Variants in LRP1B observed in about 807,000 individuals in gnomAD.
The protein encoded by LRP1B is low-density lipoprotein receptor-related protein 1B.
A neutral mutation model predicts 556.6 loss-of-function variants in LRP1B; 217 were observed. That is an observed-to-expected ratio of 0.39 (90% CI 0.35 to 0.44). The LOEUF is 0.44. Ranked by LOEUF, LRP1B falls within the 20% of genes least tolerant of loss-of-function variation. LRP1B has a pLI of 1.00. For synonymous variants in LRP1B, 2,047 were observed against 1,865.8 expected, an observed-to-expected ratio of 1.10 and a Z score of -2.50; for missense variants, 5,053 against 5,620.8, an observed-to-expected ratio of 0.90 and a Z score of 3.23.
intron 15 of LRP1B, among the ~76,000 whole-genome samples, chr2:141,000,244 C>T (rs1235986521): frequency 1.3e-5 from 2 of 152,100 alleles, no homozygotes; most frequent in East Asian, 3.9e-4. Flanking sequence ...TAATAGAGTA[C>T]AGTACCCAAG....
chr2:141,128,501 T>C (rs993909732), intron 7 of LRP1B, among the ~76,000 whole-genome samples: 1 of 152,250 alleles, frequency 6.6e-6, no homozygotes, highest in Non-Finnish European at 1.5e-5. Context: ...ACTCTAGTCA[T>C]GCTGTTCTCC....
chr2:141,298,271 C>G (rs750527281), intron 3 of LRP1B, among the ~76,000 whole-genome samples: 2 of 152,064 alleles, frequency 1.3e-5, no homozygotes, highest in South Asian at 4.1e-4. Flanking sequence ...TTGCCCTTGC[C>G]CATGGCTTTT....
intron 2 of LRP1B, among the ~76,000 whole-genome samples, chr2:141,638,011 G>A (rs981938596): frequency 1.3e-5 from 2 of 152,012 alleles, no homozygotes; most frequent in Non-Finnish European, 2.9e-5. Context: ...GACCAGCCTG[G>A]GCATCATGGC....
intron 2 of LRP1B, among the ~76,000 whole-genome samples, chr2:141,599,640 T>C (rs1304611188): frequency 6.6e-6 from 1 of 152,126 alleles, no homozygotes; most frequent in Non-Finnish European, 1.5e-5. Flanking sequence ...CAGAGAAAAA[T>C]GTAACAATGA....
At chr2:140,726,806 T>C (rs1296179527) in intron 35 of LRP1B, among the ~76,000 whole-genome samples, 1 of 145,592 alleles carries the variant, frequency 6.9e-6, no homozygotes, top group Admixed American at 6.8e-5. Context: ...TTATCTCTAG[T>C]TTTATCTTTT....
At chr2:141,269,207 C>A (rs972630680) in intron 3 of LRP1B, among the ~76,000 whole-genome samples, 10 of 152,050 alleles carry the variant, frequency 6.6e-5, no homozygotes, top group African/African-American at 2.2e-4. Flanking sequence ...TGGTGGTGAT[C>A]AGTTAGCACA....
chr2:141,141,534 A>G (rs1183423171), intron 7 of LRP1B, among the ~76,000 whole-genome samples: 1 of 152,204 alleles, frequency 6.6e-6, no homozygotes, highest in Non-Finnish European at 1.5e-5. Context: ...CAAGATAGGT[A>G]AATTTTTAAA....
chr2:141,703,877 C>A (rs1377160719), intron 2 of LRP1B, among the ~76,000 whole-genome samples: 2 of 151,884 alleles, frequency 1.3e-5, no homozygotes, highest in South Asian at 2.1e-4. Flanking sequence ...ATTTTCTAAA[C>A]CATACTGATA....
chr2:141,488,781 A>C (rs16846224), intron 2 of LRP1B, among the ~76,000 whole-genome samples: 10,110 of 152,060 alleles, frequency 0.066, 429 homozygotes, highest in South Asian at 0.18. Flanking sequence ...TATTCCTGTG[A>C]AATCTTTCTC....
intron 7 of LRP1B, among the ~76,000 whole-genome samples, chr2:141,072,140 C>A (rs546393081): frequency 4.6e-5 from 7 of 152,172 alleles, no homozygotes; most frequent in East Asian, 3.9e-4. Flanking sequence ...CATTCTGAAA[C>A]CTTCACTCCA....
At chr2:141,723,013 G>T (rs1432663225) in intron 2 of LRP1B, among the ~76,000 whole-genome samples, 1 of 151,954 alleles carries the variant, frequency 6.6e-6, no homozygotes, top group African/African-American at 2.4e-5. Flanking sequence ...AATAAACATG[G>T]TACATTTATT....
chr2:140,361,082 T>G (rs1213464736), intron 72 of LRP1B, among the ~76,000 whole-genome samples: 1 of 151,110 alleles, frequency 6.6e-6, no homozygotes, highest in Non-Finnish European at 1.5e-5. Flanking sequence ...CATTAATATT[T>G]ATAGTAACCT....
chr2:141,909,258 T>G (rs1000069510), intron 1 of LRP1B, among the ~76,000 whole-genome samples: 7 of 152,048 alleles, frequency 4.6e-5, no homozygotes, highest in African/African-American at 1.7e-4. Flanking sequence ...CATTCAGAAA[T>G]AAATGAAAGG....
At chr2:141,792,624 T>C (rs1695652991) in intron 2 of LRP1B, among the ~76,000 whole-genome samples, 2 of 151,992 alleles carry the variant, frequency 1.3e-5, no homozygotes, top group Non-Finnish European at 2.9e-5. Context: ...TCATAAAGAC[T>C]ATGCCCTAAA....
chr2:141,084,713 G>C (rs1055347341), intron 7 of LRP1B, among the ~76,000 whole-genome samples: 2 of 149,844 alleles, frequency 1.3e-5, no homozygotes, highest in African/African-American at 2.5e-5. Context: ...GCAGTGGTGC[G>C]ATCTCGGCTC....
chr2:141,291,171 C>A (rs1301699353), intron 3 of LRP1B, among the ~76,000 whole-genome samples: 1 of 152,040 alleles, frequency 6.6e-6, no homozygotes, highest in Non-Finnish European at 1.5e-5. Flanking sequence ...CAGGAAATTT[C>A]CACTCTATAT....
chr2:141,127,018 C>T (rs898534941), intron 7 of LRP1B, among the ~76,000 whole-genome samples: 2 of 151,504 alleles, frequency 1.3e-5, no homozygotes, highest in African/African-American at 2.4e-5. Flanking sequence ...CCACCCCTCA[C>T]CCCACAATAG....
intron 2 of LRP1B, among the ~76,000 whole-genome samples, chr2:141,552,298 G>A (rs1479746162): frequency 8.6e-5 from 13 of 151,906 alleles, no homozygotes; most frequent in Admixed American, 2.6e-4. Context: ...CTTCCCAAGC[G>A]TTTTAATTTT....
At chr2:140,391,188 TAAAA>T (rs1424140740) in intron 66 of LRP1B, among the ~76,000 whole-genome samples, 1 of 152,036 alleles carries the variant, frequency 6.6e-6, no homozygotes, top group Non-Finnish European at 1.5e-5. Flanking sequence ...TACCCAAGAA[TAAAA>T]AAACTAAATT....
Sources: allele counts gnomAD v4.1 joint callset (sites outside exome capture counted in the v4.1 genomes callset), GRCh38; gene constraint gnomAD v4.1.1; transcripts MANE v1.5; gene names NCBI Gene and HGNC (gene_info 2026-07-23, HGNC 2026-07-21).